NLRP5: variants seen among roughly 807,000 people sequenced by gnomAD.
The protein encoded by NLRP5 is NACHT, LRR and PYD domains-containing protein 5.
A neutral mutation model predicts 113.1 loss-of-function variants in NLRP5; 93 were observed. The observed-to-expected ratio is 0.82, with a 90% CI of 0.70 to 0.98. The LOEUF is 0.98. NLRP5 is among the 50% of genes least tolerant of loss of function. The pLI is 0.00. For missense variants in NLRP5, 1,808 were observed against 1,514.3 expected (o/e 1.19, Z -3.22); for synonymous variants, 751 against 600.7 (o/e 1.25, Z -3.66).
At chr19:56,059,305 C>G (rs1984267127) in intron 14 of NLRP5, among the ~76,000 whole-genome samples, 1 of 152,188 alleles carries the variant, frequency 6.6e-6, no homozygotes, top group Non-Finnish European at 1.5e-5. Context: ...TCTCTTAAGA[C>G]TAGAAGTTTC....
In NLRP5 at chr19:56,027,796, T is replaced by C. The variant is rs1982928621; in HGVS notation, c.1563T>C (p.Asn521=). ...GAGGCGTGGTCCGGCGCTGTCTCAA[T>C]CTGGAGGAAAGAGTTGTCCTGAAGC... The change falls in exon 7 of 15, where the codon AAT becomes AAC. Residue 521 remains asparagine, a synonymous_variant. Coordinates refer to ENST00000390649, the MANE Select transcript of NLRP5 (RefSeq NM_153447.4). 1 of 1,613,898 alleles carries C rather than the reference T, an allele frequency of 6.2e-7. No individual in the cohort carries two copies. Among genetic ancestry groups the C allele is most frequent in the Admixed American group, 1.7e-5 (1 of 60,008 alleles).
At chr19:55,993,996 G>A in the NLRP5 span, among the ~76,000 whole-genome samples, 8 of 151,686 alleles carry the variant, frequency 5.3e-5, no homozygotes, top group African/African-American at 1.9e-4. Flanking sequence ...TCACCAGATC[G>A]CTGGATCATA....
At position 56,022,137 on chromosome 19, in the gene NLRP5, A is replaced by G. The variant is rs556178099; in HGVS notation, c.679+1706A>G. Among the ~76,000 whole-genome samples the G allele has an allele frequency of 2.0e-5, 3 of 152,282 alleles. No individual in the cohort carries two copies. The South Asian group carries it at 6.2e-4, about 32-fold the overall frequency. On this transcript the variant is annotated intron_variant, in intron 6 of 14. Coordinates refer to ENST00000390649, the MANE Select transcript of NLRP5 (RefSeq NM_153447.4). ...CAAATATCGGTGACATTTTTAGAAT[A>G]ATTACTCTGGTCTAGGCACTGTTCT...
chr19:56,047,223 G>C (rs1050349422), intron 11 of NLRP5, among the ~76,000 whole-genome samples: 3 of 151,692 alleles, frequency 2.0e-5, no homozygotes, highest in African/African-American at 7.3e-5. Flanking sequence ...GTATTTTTTT[G>C]TTTCAGTTTC....
chr19:56,040,474 C>T lies in NLRP5; in HGVS notation c.2787-448C>T, dbSNP rs191982695. On this transcript the variant is annotated intron_variant, in intron 10 of 14. Coordinates refer to ENST00000390649, the MANE Select transcript of NLRP5 (RefSeq NM_153447.4). ...TCCCAGCTACTCAGGAGGCTGAGGC[C>T]GGAGAATCATTTGAACCTGAGAGCA... 2.1e-3 allele frequency among the ~76,000 whole-genome samples: 317 copies of T among 151,958 alleles called. 2 individuals are homozygous for T. The highest frequency in any genetic ancestry group is 6.4e-3 in the African/African-American group (266 of 41,434).
At chr19:56,052,121 C>G (rs549642578) in intron 12 of NLRP5, among the ~76,000 whole-genome samples, 1 of 152,286 alleles carries the variant, frequency 6.6e-6, no homozygotes, top group Non-Finnish European at 1.5e-5. Flanking sequence ...TAGGTCACCC[C>G]TACCTGGTCT....
intron 6 of NLRP5, among the ~76,000 whole-genome samples, chr19:56,023,020 C>T (rs1383975683): frequency 6.6e-6 from 1 of 152,170 alleles, no homozygotes; most frequent in African/African-American, 2.4e-5. Flanking sequence ...GCCACTGCAC[C>T]CAGCGAGACA....
chr19:56,061,545 C>T lies in NLRP5; in HGVS notation c.*17C>T. ...AAAAACTGAAGATACGGAAACCTGCCCCACTCACACCCATCTGATGGAGGA... is the reference window on the plus strand; with the variant it reads ...AAAAACTGAAGATACGGAAACCTGCTCCACTCACACCCATCTGATGGAGGA... On this transcript the variant is annotated 3_prime_UTR_variant, in exon 15 of 15. Coordinates refer to ENST00000390649, the MANE Select transcript of NLRP5 (RefSeq NM_153447.4). The T allele has an allele frequency of 6.2e-7, 1 of 1,613,596 alleles. No homozygotes were observed. The highest frequency in any genetic ancestry group is 8.5e-7 in the Non-Finnish European group (1 of 1,179,666).
At chr19:56,020,314 GT>G (rs1982566645) in intron 5 of NLRP5, 60 bp from the exon 6 acceptor site, 1 of 1,590,292 alleles carries the variant, frequency 6.3e-7, no homozygotes, top group African/African-American at 1.4e-5. Flanking sequence ...TATCTTGGGG[GT>G]GTCTGACATC....
chr19:56,047,817 G>C (rs1263232593), intron 11 of NLRP5, among the ~76,000 whole-genome samples: 5 of 152,122 alleles, frequency 3.3e-5, no homozygotes, highest in Admixed American at 6.5e-5. Flanking sequence ...GCTGTTAGTG[G>C]AGTATTGAAG....
At chr19:56,013,819 A>G (rs977587633) in intron 3 of NLRP5, among the ~76,000 whole-genome samples, 11 of 152,082 alleles carry the variant, frequency 7.2e-5, no homozygotes, top group Non-Finnish European at 1.5e-4. Context: ...TGAAAGCTAC[A>G]GTAACGTTTG....
intron 11 of NLRP5, among the ~76,000 whole-genome samples, chr19:56,049,650 A>G (rs1044567231): frequency 2.6e-5 from 4 of 151,972 alleles, no homozygotes; most frequent in African/African-American, 7.2e-5. Context: ...TATTGCTGAG[A>G]CTTTCCAGAC....
Position 56,032,770 on chromosome 19 carries a change from A to G in NLRP5, c.2436A>G (p.Ile812Met). ...AGCTGAGGCATCCCACCTGCAAGAT[A>G]CAGACCCTGATGTAAGGCTGCCCGC... Residue 812 changes from isoleucine (I) to methionine (M), a missense_variant, in exon 8 of 15, where the codon ATA becomes ATG. Ile to Met is a conservative substitution (Grantham distance 10). Transcript: ENST00000390649. 6.2e-7 allele frequency: 1 copy of G among 1,609,092 alleles called. No individual in the cohort carries two copies. The highest frequency in any genetic ancestry group is 1.1e-5 in the South Asian group (1 of 90,200).
intron 12 of NLRP5, 52 bp from the exon 13 acceptor site, chr19:56,053,586 G>C (rs940377096): frequency 1.3e-6 from 2 of 1,532,836 alleles, no homozygotes; most frequent in Non-Finnish European, 1.8e-6. Flanking sequence ...TTCTCCCGCT[G>C]TTCCACTTTC....
At chr19:56,009,638 A>G (rs914394628) in intron 3 of NLRP5, among the ~76,000 whole-genome samples, 4 of 152,162 alleles carry the variant, frequency 2.6e-5, no homozygotes, top group African/African-American at 9.7e-5. Context: ...AAGACAAACC[A>G]AAAAACTAAG....
At chr19:56,034,388 A>G (rs780413390) in intron 9 of NLRP5, among the ~76,000 whole-genome samples, 1 of 152,238 alleles carries the variant, frequency 6.6e-6, no homozygotes, top group Non-Finnish European at 1.5e-5. Context: ...CTCTGTCTCA[A>G]AGGAAAAAAA....
intron 9 of NLRP5, among the ~76,000 whole-genome samples, chr19:56,036,786 G>A (rs936712132): frequency 2.0e-5 from 3 of 152,024 alleles, no homozygotes; most frequent in African/African-American, 4.8e-5. Flanking sequence ...GTGAAACCCC[G>A]TCTCTACTAT....
rs761138516 is a variant in NLRP5, at chr19:56,058,233, C to T, written c.3300-7C>T. 1 of 1,610,044 alleles carries T rather than the reference C, an allele frequency of 6.2e-7. No homozygotes were observed. Among genetic ancestry groups the T allele is most frequent in the African/African-American group, 1.3e-5 (1 of 74,880 alleles). ...GGGGTTATTTTCTGGGTGTCCTGACCCTGCAGGTTGAAGGCATGTGGACTG... is the reference window on the plus strand; with the variant it reads ...GGGGTTATTTTCTGGGTGTCCTGACTCTGCAGGTTGAAGGCATGTGGACTG... On this transcript the variant is annotated splice_polypyrimidine_tract_variant and splice_region_variant and intron_variant, in intron 13 of 14. Coordinates refer to ENST00000390649, the MANE Select transcript of NLRP5 (RefSeq NM_153447.4).
chr19:55,998,694 A>ATATGTGTG (rs1981445562), upstream of NLRP5, among the ~76,000 whole-genome samples: 1 of 58,078 alleles, frequency 1.7e-5, no homozygotes, highest in African/African-American at 7.6e-5. Context: ...ATATATATAT[A>ATATGTGTG]TATATATATG....
Sources: gnomAD v4.1 joint callset for allele counts (sites outside exome capture counted in the v4.1 genomes callset) on GRCh38, gnomAD v4.1.1 for gene constraint, MANE v1.5 for transcripts, NCBI Gene and HGNC (gene_info 2026-07-23, HGNC 2026-07-21) for gene names.